HORMAD2: variants seen among roughly 807,000 people sequenced by gnomAD.
The protein encoded by HORMAD2 is HORMA domain containing 2, also known as HORMA domain-containing protein 2.
Under a neutral mutation model 38.8 loss-of-function variants are expected in HORMAD2, and 45 were observed. The ratio of observed to expected loss-of-function variants is 1.16; its 90% CI spans 0.91 to 1.49. HORMAD2 has a LOEUF of 1.49. Ranked by LOEUF, HORMAD2 falls within the 40% of genes most tolerant of loss-of-function variation. The probability of loss-of-function intolerance (pLI) is 0.00; values close to 1 mark genes in which losing one functional copy is unlikely to be tolerated. For missense variants in HORMAD2, 338 were observed against 367.0 expected, an observed-to-expected ratio of 0.92 and a Z score of 0.65; for synonymous variants, 126 against 122.8, an observed-to-expected ratio of 1.03 and a Z score of -0.17.
rs536224740 is a variant in HORMAD2 at position 30,151,116 on chromosome 22, C to T, written c.820-24947C>T. Among the ~76,000 whole-genome samples, 14 of 152,252 alleles carry T rather than the reference C, an allele frequency of 9.2e-5. No individual in the cohort carries two copies. The South Asian group carries it at 1.9e-3, about 20-fold the overall frequency. ...CATTTGACTGGTCCTCGGTTTGGTC[C>T]ACTGCTGGTTTAGGTTTCTTGGGTC... On this transcript the variant is annotated intron_variant, in intron 10 of 10. Transcript: ENST00000336726.
In HORMAD2 at chr22:30,176,286, T is replaced by C; in HGVS notation, c.*119T>C. 1.4e-6 allele frequency: 1 copy of C among 740,234 alleles called. No homozygotes were observed. The highest frequency in any genetic ancestry group is 2.2e-6 in the Non-Finnish European group (1 of 464,872). 45.9% of individuals were successfully genotyped at this position (740,234 alleles called of 1,614,324 possible). A position where few individuals can be genotyped will look rare whatever the true frequency, so the allele number is the denominator to read the frequency against. ...CAAAACCTTTTTCTAAATTTTTTGC[T>C]CAATTTTTTTTGTCAGTTGCTAAGT... On this transcript the variant is annotated 3_prime_UTR_variant, in exon 11 of 11. Coordinates refer to ENST00000336726, the MANE Select transcript of HORMAD2 (RefSeq NM_152510.4).
chr22:30,148,310 A>G (rs1216373798), intron 10 of HORMAD2, among the ~76,000 whole-genome samples: 2 of 152,240 alleles, frequency 1.3e-5, no homozygotes, highest in East Asian at 3.8e-4. Flanking sequence ...TTTCATTTAC[A>G]TGAAAATCTG....
intron 10 of HORMAD2, among the ~76,000 whole-genome samples, chr22:30,135,728 A>G (rs577084237): frequency 6.6e-6 from 1 of 152,350 alleles, no homozygotes; most frequent in Admixed American, 6.5e-5. Flanking sequence ...GAAGGGTTAC[A>G]TGTTAGCAGT....
At chr22:30,093,851 G>A (rs1266492250) in intron 1 of HORMAD2, 65 bp from the exon 2 acceptor site, 1 of 699,244 alleles carries the variant, frequency 1.4e-6, no homozygotes, top group Admixed American at 3.5e-5. Flanking sequence ...TTCATTTTTG[G>A]GCAGAGTAAG....
chr22:30,165,178 A>G (rs1925702386), intron 10 of HORMAD2, among the ~76,000 whole-genome samples: 1 of 152,154 alleles, frequency 6.6e-6, no homozygotes, highest in African/African-American at 2.4e-5. Context: ...CGTTTGTTGA[A>G]AAGACTATCT....
the HORMAD2 span, among the ~76,000 whole-genome samples, chr22:30,199,839 G>A: frequency 1.3e-4 from 20 of 151,542 alleles, no homozygotes; most frequent in Non-Finnish European, 2.4e-4. Context: ...GCCCGGGCAC[G>A]TGGCTTATGC....
At chr22:30,194,038 G>A in the HORMAD2 span, among the ~76,000 whole-genome samples, 12 of 152,244 alleles carry the variant, frequency 7.9e-5, no homozygotes, top group African/African-American at 2.9e-4. Flanking sequence ...CCCCTTGCCT[G>A]CTTGGATCAC....
intron 10 of HORMAD2, among the ~76,000 whole-genome samples, chr22:30,144,424 T>A (rs951753118): frequency 6.6e-6 from 1 of 152,222 alleles, no homozygotes; most frequent in African/African-American, 2.4e-5. Flanking sequence ...ACAACCTCCA[T>A]TGTATTTGAG....
Position 30,122,295 on chromosome 22 carries a change from G to T in HORMAD2, c.819+81G>T, listed in dbSNP as rs563082244. On this transcript the variant is annotated intron_variant, in intron 10 of 10. Coordinates refer to ENST00000336726, the MANE Select transcript of HORMAD2 (RefSeq NM_152510.4). Reference sequence around the variant, plus strand: ...TTCAGTTTCTACCCAGGGCATGCACGTGGAGTGTGCCAGCTATAAAAACTG... The same window carrying T: ...TTCAGTTTCTACCCAGGGCATGCACTTGGAGTGTGCCAGCTATAAAAACTG... 556 of 1,320,888 alleles carry T rather than the reference G, an allele frequency of 4.2e-4. 1 individual carries two copies. Among genetic ancestry groups the T allele is most frequent in the Admixed American group, 7.6e-4 (27 of 35,426 alleles). 81.8% of individuals were successfully genotyped at this position (1,320,888 alleles called of 1,614,324 possible).
chr22:30,078,033 T>C (rs895867580), upstream of HORMAD2, among the ~76,000 whole-genome samples: 1 of 152,214 alleles, frequency 6.6e-6, no homozygotes, highest in Non-Finnish European at 1.5e-5. Flanking sequence ...CAACAGCTCC[T>C]AGCACAGGGG....
intron 1 of HORMAD2, among the ~76,000 whole-genome samples, chr22:30,093,407 C>T (rs552795649): frequency 6.6e-6 from 1 of 152,254 alleles, no homozygotes; most frequent in South Asian, 2.1e-4. Context: ...TATATTGTTA[C>T]ACTCTGAGGG....
intron 1 of HORMAD2, among the ~76,000 whole-genome samples, chr22:30,087,218 A>G (rs2068585820): frequency 1.3e-5 from 2 of 152,188 alleles, no homozygotes; most frequent in African/African-American, 2.4e-5. Context: ...ATTAAGGTTG[A>G]GTCACAGATT....
intron 3 of HORMAD2, among the ~76,000 whole-genome samples, chr22:30,100,536 A>C (rs1920935618): frequency 6.6e-6 from 1 of 152,240 alleles, no homozygotes; most frequent in South Asian, 2.1e-4. Flanking sequence ...CAAAGACTTC[A>C]TGACTAAAGC....
chr22:30,136,384 C>T (rs1923655195), intron 10 of HORMAD2, among the ~76,000 whole-genome samples: 1 of 152,186 alleles, frequency 6.6e-6, no homozygotes, highest in South Asian at 2.1e-4. Context: ...AGATTTGCAA[C>T]CATCACTACA....
At chr22:30,147,868 G>C (rs1351337311) in intron 10 of HORMAD2, among the ~76,000 whole-genome samples, 2 of 152,122 alleles carry the variant, frequency 1.3e-5, no homozygotes, top group African/African-American at 4.8e-5. Flanking sequence ...CCAGCACTTT[G>C]GGAGGCCCTG....
In HORMAD2 at chr22:30,176,263, A is replaced by G; in HGVS notation, c.*96A>G. The G allele has an allele frequency of 1.2e-6, 1 of 867,710 alleles. No individual in the cohort carries two copies. Among genetic ancestry groups the G allele is most frequent in the Non-Finnish European group, 1.7e-6 (1 of 575,908 alleles). The allele number at this position is 867,710 out of a possible 1,614,324, so 53.8% of individuals were successfully genotyped here. ...GCAGGAAAGTACATTCCTGTTACCA[A>G]AACCTTTTTCTAAATTTTTTGCTCA... On this transcript the variant is annotated 3_prime_UTR_variant, in exon 11 of 11. Coordinates refer to ENST00000336726, the MANE Select transcript of HORMAD2 (RefSeq NM_152510.4).
chr22:30,103,648 G>GTTTTTTTTTTTTTTT (rs1569087601), intron 4 of HORMAD2, 148 bp downstream of exon 4: 1 of 73,316 alleles, frequency 1.4e-5, no homozygotes, highest in African/African-American at 1.1e-4. Flanking sequence ...TTCTGTTTTT[G>GTTTTTTTTTTTTTTT]ATTTTTTTTT....
intron 5 of HORMAD2, among the ~76,000 whole-genome samples, chr22:30,105,856 T>C (rs1265510915): frequency 6.6e-6 from 1 of 152,228 alleles, no homozygotes; most frequent in Admixed American, 6.5e-5. Context: ...ACAGTGTCTC[T>C]TTTGGGATCT....
chr22:30,134,627 T>A (rs1389929742), intron 10 of HORMAD2, among the ~76,000 whole-genome samples: 2 of 151,532 alleles, frequency 1.3e-5, no homozygotes, highest in Non-Finnish European at 2.9e-5. Context: ...ATTACTCCTC[T>A]TATGATGCTT....
Sources: allele counts gnomAD v4.1 joint callset (sites outside exome capture counted in the v4.1 genomes callset), GRCh38; gene constraint gnomAD v4.1.1; transcripts MANE v1.5; gene names NCBI Gene and HGNC (gene_info 2026-07-23, HGNC 2026-07-21).